Variants in PRKAG1 observed in about 807,000 individuals in gnomAD.
The protein encoded by PRKAG1 is 5'-AMP-activated protein kinase subunit gamma-1.
A neutral mutation model predicts 48.2 loss-of-function variants in PRKAG1; 27 were observed. That is an observed-to-expected ratio of 0.56 (90% CI 0.41 to 0.77). The LOEUF (loss-of-function observed/expected upper bound fraction) is 0.77, where lower values mean the gene tolerates loss of function less well. PRKAG1 is among the 30% of genes least tolerant of loss of function. The pLI, the probability that PRKAG1 is intolerant of heterozygous loss-of-function variation, is 0.00. For missense variants in PRKAG1, 287 were observed against 398.3 expected, an observed-to-expected ratio of 0.72 and a Z score of 2.38; for synonymous variants, 130 against 147.7, an observed-to-expected ratio of 0.88 and a Z score of 0.87.
intron 2 of PRKAG1, among the ~76,000 whole-genome samples, chr12:49,007,180 A>AG (rs1941575110): frequency 7.2e-6 from 1 of 138,878 alleles, no homozygotes; most frequent in Non-Finnish European, 1.6e-5. Context: ...CCAGCTACTC[A>AG]GGGGGCTGAG....
rs780347186 is a variant in PRKAG1, at chr12:49,005,641, A to G, written c.169-98T>C. The G allele has an allele frequency of 3.7e-6, 6 of 1,611,612 alleles. No homozygotes were observed. Among genetic ancestry groups the G allele is most frequent in the South Asian group, 1.1e-5 (1 of 90,834 alleles). On this transcript the variant is annotated intron_variant, in intron 3 of 11. Transcript: ENST00000548065. The surrounding 1 kb of genome is among the most constrained non-coding windows in gnomAD (Gnocchi z 4.1). ...GGCATGTTGGGTAAAACATGAGACT[A>G]ACTTCACAGAAGGATAAGGATATTA...
At chr12:49,018,601 G>A in intron 1 of PRKAG1, 131 bp downstream of exon 1, 1 of 1,570,214 alleles carries the variant, frequency 6.4e-7, no homozygotes, top group Non-Finnish European at 8.6e-7. Flanking sequence ...CACGGGATAG[G>A]GCAGACACCC....
chr12:49,009,550 T>C (rs1171631662), intron 2 of PRKAG1, among the ~76,000 whole-genome samples: 1 of 152,208 alleles, frequency 6.6e-6, no homozygotes, highest in Non-Finnish European at 1.5e-5. Context: ...TTTCTGAAAA[T>C]TCCTTCTTTA....
rs1200947292 is a variant in PRKAG1 at position 49,005,654 on chromosome 12, G to C, written c.168+89C>G. 6.2e-7 allele frequency: 1 copy of C among 1,609,594 alleles called. No homozygotes were observed. Among genetic ancestry groups the C allele is most frequent in the African/African-American group, 1.3e-5 (1 of 74,794 alleles). Reference sequence around the variant, plus strand: ...AAACATGAGACTAACTTCACAGAAGGATAAGGATATTACCCTTAGGATGAG... The same window carrying C: ...AAACATGAGACTAACTTCACAGAAGCATAAGGATATTACCCTTAGGATGAG... On this transcript the variant is annotated intron_variant, in intron 3 of 11. Coordinates refer to ENST00000548065, the MANE Select transcript of PRKAG1 (RefSeq NM_002733.5). This position sits in a 1 kb window ranked among gnomAD's most constrained non-coding sequence, Gnocchi z 4.1.
At chr12:49,003,435 T>C (rs1385972366) in intron 10 of PRKAG1, 123 bp downstream of exon 10, 1 of 1,533,744 alleles carries the variant, frequency 6.5e-7, no homozygotes, top group Non-Finnish European at 8.9e-7. Flanking sequence ...CAAATAGGAT[T>C]TGAAAGCCTG....
chr12:49,004,488 T>A lies in PRKAG1; in HGVS notation c.537+19A>T, dbSNP rs1044851573. 1 of 1,609,426 alleles carries A rather than the reference T, an allele frequency of 6.2e-7. No individual in the cohort carries two copies. The highest frequency in any genetic ancestry group is 8.5e-7 in the Non-Finnish European group (1 of 1,177,496). Reference sequence around the variant, plus strand: ...TCAATGAAAAAAGAGAAAAAAGAACTGGGCTGAGGAGCACTTACAAACAAT... The same window carrying A: ...TCAATGAAAAAAGAGAAAAAAGAACAGGGCTGAGGAGCACTTACAAACAAT... On this transcript the variant is annotated intron_variant, in intron 8 of 11. Coordinates refer to ENST00000548065, the MANE Select transcript of PRKAG1 (RefSeq NM_002733.5).
chr12:49,008,608 G>C (rs1941637517), intron 2 of PRKAG1: 1 of 152,150 alleles, frequency 6.6e-6, no homozygotes, highest in South Asian at 2.1e-4. Flanking sequence ...TCCTGAGAAA[G>C]GGTGCATGGG....
chr12:49,009,120 C>CT (rs1173409489), intron 2 of PRKAG1, among the ~76,000 whole-genome samples: 7,253 of 133,074 alleles, frequency 0.055, 607 homozygotes, highest in African/African-American at 0.17. Flanking sequence ...CTTTCCTCTC[C>CT]TTTTTTTTTT....
At position 49,005,439 on chromosome 12, in the gene PRKAG1, G is replaced by C. The variant is rs1334443197; in HGVS notation, c.250+23C>G. ...CCCAGCACAAGATGCCAATAATATT[G>C]TGTTCCAGAAACTTTTGCTTACCCA... On this transcript the variant is annotated intron_variant, in intron 4 of 11. Coordinates refer to ENST00000548065, the MANE Select transcript of PRKAG1 (RefSeq NM_002733.5). This position sits in a 1 kb window ranked among gnomAD's most constrained non-coding sequence, Gnocchi z 4.1. 1.2e-6 allele frequency: 2 copies of C among 1,613,888 alleles called. No homozygotes were observed. The highest frequency in any genetic ancestry group is 1.3e-5 in the African/African-American group (1 of 74,894).
intron 2 of PRKAG1, among the ~76,000 whole-genome samples, chr12:49,009,121 T>C (rs968468970): frequency 2.4e-5 from 3 of 123,094 alleles, no homozygotes; most frequent in Admixed American, 2.4e-4. Flanking sequence ...TTTCCTCTCC[T>C]TTTTTTTTTT....
chr12:49,018,371 C>T (rs1382628464), intron 1 of PRKAG1: 1 of 1,014,494 alleles, frequency 9.9e-7, no homozygotes, highest in Admixed American at 4.6e-5. Context: ...CCGTGCCTCA[C>T]CCAGCAAAGC....
chr12:49,013,037 A>G (rs376283151), intron 2 of PRKAG1, 25 bp downstream of exon 2: 8 of 1,595,886 alleles, frequency 5.0e-6, no homozygotes, highest in Admixed American at 1.7e-5. Flanking sequence ...TTTCATGCCC[A>G]GTTTCCTTTC....
chr12:49,004,894 T>G, intron 7 of PRKAG1, 70 bp downstream of exon 7: 1 of 1,511,956 alleles, frequency 6.6e-7, no homozygotes, highest in Non-Finnish European at 9.2e-7. Flanking sequence ...TCCCTGGGTG[T>G]CTAGGGCATT....
chr12:49,002,795 G>T lies in PRKAG1; in HGVS notation c.*104C>A. On this transcript the variant is annotated 3_prime_UTR_variant, in exon 12 of 12. Coordinates refer to ENST00000548065, the MANE Select transcript of PRKAG1 (RefSeq NM_002733.5). ...AGAAGGGCAGGGGACCCTGAACAGG[G>T]AACAGAGTCACAATTCCCTCAAGTT... 8.8e-7 allele frequency: 1 copy of T among 1,130,534 alleles called. No homozygotes were observed. Among genetic ancestry groups the T allele is most frequent in the South Asian group, 1.3e-5 (1 of 76,746 alleles). 70.0% of individuals were successfully genotyped at this position (1,130,534 alleles called of 1,614,324 possible). A position where few individuals can be genotyped will look rare whatever the true frequency, so the allele number is the denominator to read the frequency against.
Position 49,003,848 on chromosome 12 carries a change from A to G in PRKAG1, c.612T>C (p.Ile204=), listed in dbSNP as rs202086408. 31 of 1,613,988 alleles carry G rather than the reference A, an allele frequency of 1.9e-5. No individual in the cohort carries two copies. The highest frequency in any genetic ancestry group is 2.5e-5 in the Non-Finnish European group (29 of 1,179,980). ...EELQIGTYAN[I]AMVRTTTPVY... ...CGGGGGTGGTAGTGCGAACCATAGC[A>G]ATATTGGCATAGGTGCCAATCTGTA... Residue 204 remains isoleucine, a synonymous_variant, in exon 9 of 12, where the codon ATT becomes ATC. Transcript: ENST00000548065.
chr12:49,005,964 T>A lies in PRKAG1; in HGVS notation c.59-112A>T. 1.3e-6 allele frequency: 1 copy of A among 762,118 alleles called. No homozygotes were observed. Among genetic ancestry groups the A allele is most frequent in the Non-Finnish European group, 2.1e-6 (1 of 473,038 alleles). The allele number at this position is 762,118 out of a possible 1,614,324, so 47.2% of individuals were successfully genotyped here. A position where few individuals can be genotyped will look rare whatever the true frequency, so the allele number is the denominator to read the frequency against. Reference sequence around the variant, plus strand: ...CTCAAATATTTAGAGCATTATTTTTTAATAAGACCCCTTATTTTATCTGTC... The same window carrying A: ...CTCAAATATTTAGAGCATTATTTTTAAATAAGACCCCTTATTTTATCTGTC... On this transcript the variant is annotated intron_variant, in intron 2 of 11. Transcript: ENST00000548065. This position sits in a 1 kb window ranked among gnomAD's most constrained non-coding sequence, Gnocchi z 4.1.
chr12:49,006,381 A>T (rs989152720), intron 2 of PRKAG1, among the ~76,000 whole-genome samples: 1 of 152,100 alleles, frequency 6.6e-6, no homozygotes, highest in Admixed American at 6.6e-5. Context: ...CAATTAAAAA[A>T]AAAATTATTC....
chr12:49,007,495 T>C (rs1401499390), intron 2 of PRKAG1, among the ~76,000 whole-genome samples: 3 of 152,110 alleles, frequency 2.0e-5, no homozygotes, highest in African/African-American at 7.2e-5. Context: ...TTAATATTTA[T>C]TTTTTTAACC....
chr12:49,018,532 G>C, intron 1 of PRKAG1, 200 bp downstream of exon 1: 1 of 1,437,232 alleles, frequency 7.0e-7, no homozygotes, highest in Non-Finnish European at 9.1e-7. Context: ...ACGGAAAGGC[G>C]GCGGGGACGC....
Sources: gnomAD v4.1 joint callset for allele counts (sites outside exome capture counted in the v4.1 genomes callset) on GRCh38, gnomAD v4.1.1 for gene constraint, Gnocchi (gnomAD v3.1) non-coding constraint, MANE v1.5 for transcripts, NCBI Gene and HGNC (gene_info 2026-07-23, HGNC 2026-07-21) for gene names.